OTOP1: variants seen among roughly 807,000 people sequenced by gnomAD.
The protein encoded by OTOP1 is otopetrin 1, also known as proton channel OTOP1.
A neutral mutation model predicts 52.9 loss-of-function variants in OTOP1; 59 were observed. That is an observed-to-expected ratio of 1.12 (90% CI 0.91 to 1.39). The LOEUF is 1.39. Among genes scored for constraint, OTOP1 ranks in the 40% most tolerant of loss-of-function variants. The pLI, the probability that OTOP1 is intolerant of heterozygous loss-of-function variation, is 0.00. For missense variants in OTOP1, 761 were observed against 800.9 expected (o/e 0.95, Z 0.60); for synonymous variants, 317 against 337.7 (o/e 0.94, Z 0.67).
At chr4:4,210,908 A>G (rs1218471489) in intron 2 of OTOP1, among the ~76,000 whole-genome samples, 1 of 152,188 alleles carries the variant, frequency 6.6e-6, no homozygotes, top group Non-Finnish European at 1.5e-5. Flanking sequence ...AATTTCCTCT[A>G]AACGACCCCA....
chr4:4,199,233 TGAGAGAGAGAGAGAGAGA>T (rs71600542), intron 4 of OTOP1, among the ~76,000 whole-genome samples: 3 of 98,498 alleles, frequency 3.0e-5, no homozygotes, highest in Non-Finnish European at 6.1e-5. Flanking sequence ...TGTGTGTGTG[TGAGAGAGAGAGAGAGAGA>T]GAGAGAGAGA....
At chr4:4,194,558 C>G (rs1716579812) in intron 5 of OTOP1, among the ~76,000 whole-genome samples, 1 of 152,222 alleles carries the variant, frequency 6.6e-6, no homozygotes, top group Admixed American at 6.5e-5. Context: ...GACACACAGC[C>G]ATTCTGATTT....
At chr4:4,199,753 G>A (rs1399552760) in intron 4 of OTOP1, among the ~76,000 whole-genome samples, 1 of 152,090 alleles carries the variant, frequency 6.6e-6, no homozygotes, top group Non-Finnish European at 1.5e-5. Context: ...TCGTTTCAAG[G>A]AAAATGGAAA....
At chr4:4,205,983 A>G in intron 3 of OTOP1, 89 bp downstream of exon 3, 9 of 1,175,132 alleles carry the variant, frequency 7.7e-6, no homozygotes, top group Non-Finnish European at 1.0e-5. Flanking sequence ...GTCTGTTTTT[A>G]TAACCAAAGC....
intron 4 of OTOP1, among the ~76,000 whole-genome samples, chr4:4,199,233 TGAGAGAGAGAGAGAGAGAGA>T (rs71600542): frequency 1.1e-4 from 11 of 98,498 alleles, no homozygotes; most frequent in Non-Finnish European, 2.0e-4. Flanking sequence ...TGTGTGTGTG[TGAGAGAGAGAGAGAGAGAGA>T]GAGAGAGAGA....
intron 1 of OTOP1, 36 bp downstream of exon 1, chr4:4,226,426 G>A (rs754195023): frequency 2.9e-6 from 4 of 1,392,394 alleles, no homozygotes; most frequent in Middle Eastern, 2.2e-4. Context: ...AGCGGGCGAG[G>A]AGGCGGAGAC....
intron 2 of OTOP1, among the ~76,000 whole-genome samples, chr4:4,211,045 G>T (rs958626192): frequency 2.6e-5 from 4 of 152,082 alleles, no homozygotes; most frequent in African/African-American, 9.7e-5. Context: ...GAGCCCCTCA[G>T]CAAGCTCCCC....
intron 5 of OTOP1, among the ~76,000 whole-genome samples, chr4:4,195,578 C>T (rs1716606766): frequency 6.6e-6 from 1 of 152,214 alleles, no homozygotes; most frequent in South Asian, 2.1e-4. Context: ...AAGCACCACA[C>T]CACCCAAGTG....
chr4:4,189,529 A>G (rs1051754851), intron 5 of OTOP1, among the ~76,000 whole-genome samples: 3 of 152,080 alleles, frequency 2.0e-5, no homozygotes, highest in Non-Finnish European at 1.5e-5. Flanking sequence ...AGCCTCTAGG[A>G]TGACCCTCAC....
Position 4,226,502 on chromosome 4 carries a change from G to A in OTOP1, c.363C>T (p.Phe121=), listed in dbSNP as rs1717437603. 2 of 1,580,042 alleles carry A rather than the reference G, an allele frequency of 1.3e-6. No homozygotes were observed. Among genetic ancestry groups the A allele is most frequent in the African/African-American group, 1.4e-5 (1 of 72,196 alleles). Residue 121 remains phenylalanine (F), a synonymous_variant, in exon 1 of 6, where the codon TTC becomes TTT. Coordinates refer to ENST00000296358, the MANE Select transcript of OTOP1 (RefSeq NM_177998.3). ...CACCCGCGTGCGTGTCCTTGAGGCG[G>A]AAGAGGCGGCGGTGCGCGGAGCTGC... The part of the protein sequence containing the change: ...VGRSSAHRRL[F]RLKDTHAGAG...
intron 1 of OTOP1, among the ~76,000 whole-genome samples, chr4:4,218,473 G>C (rs1265158289): frequency 6.6e-6 from 1 of 151,652 alleles, no homozygotes. Flanking sequence ...GTAAATAAAT[G>C]GAAAAGGAGA....
At chr4:4,219,913 G>A (rs1203697133) in intron 1 of OTOP1, among the ~76,000 whole-genome samples, 2 of 138,744 alleles carry the variant, frequency 1.4e-5, no homozygotes, top group African/African-American at 5.7e-5. Flanking sequence ...ATATATGTGT[G>A]TATATACGTA....
chr4:4,201,206 A>G (rs1322273899), intron 4 of OTOP1, among the ~76,000 whole-genome samples: 1 of 152,158 alleles, frequency 6.6e-6, no homozygotes, highest in Non-Finnish European at 1.5e-5. Context: ...AGGCAGGTGG[A>G]TCACAAGGCC....
intron 3 of OTOP1, among the ~76,000 whole-genome samples, chr4:4,204,071 G>T (rs1312087500): frequency 6.6e-6 from 1 of 152,152 alleles, no homozygotes; most frequent in Non-Finnish European, 1.5e-5. Context: ...GGGGAAAATG[G>T]TGCAACCGCA....
chr4:4,217,869 A>C (rs889578969), intron 1 of OTOP1, among the ~76,000 whole-genome samples: 2 of 152,180 alleles, frequency 1.3e-5, no homozygotes, highest in African/African-American at 4.8e-5. Flanking sequence ...TGAAAAGGAG[A>C]GCAAATTATA....
chr4:4,221,788 G>A (rs1445741273), intron 1 of OTOP1, among the ~76,000 whole-genome samples: 1 of 152,162 alleles, frequency 6.6e-6, no homozygotes, highest in Non-Finnish European at 1.5e-5. Flanking sequence ...CCAGCTTTTT[G>A]TATTTTTAGT....
At chr4:4,225,201 CAG>C (rs1014719092) in intron 1 of OTOP1, among the ~76,000 whole-genome samples, 121 of 152,350 alleles carry the variant, frequency 7.9e-4, no homozygotes, top group Middle Eastern at 3.4e-3. Flanking sequence ...GTTACTCAGA[CAG>C]AAGCTTTCTT....
intron 1 of OTOP1, among the ~76,000 whole-genome samples, chr4:4,225,612 T>G (rs1306210881): frequency 7.0e-6 from 1 of 141,926 alleles, no homozygotes; most frequent in Non-Finnish European, 1.5e-5. Flanking sequence ...AAGAAAGAGC[T>G]CCTATCTTGA....
chr4:4,203,626 C>A (rs2916420), intron 3 of OTOP1, among the ~76,000 whole-genome samples: 90,720 of 152,076 alleles, frequency 0.6, 27,403 homozygotes, highest in South Asian at 0.69. Context: ...TCACTGATTT[C>A]TTCAAATACT....
Sources: allele counts gnomAD v4.1 joint callset (sites outside exome capture counted in the v4.1 genomes callset), GRCh38; gene constraint gnomAD v4.1.1; transcripts MANE v1.5; gene names NCBI Gene and HGNC (gene_info 2026-07-23, HGNC 2026-07-21).